KLHL12: variants seen among roughly 807,000 people sequenced by gnomAD.
KLHL12 encodes kelch-like protein 12.
In KLHL12, 17 loss-of-function variants were observed where a neutral mutation model predicts 60.8. The ratio of observed to expected loss-of-function variants is 0.28; its 90% CI spans 0.19 to 0.42. KLHL12 has a LOEUF of 0.42. Among genes scored for constraint, KLHL12 ranks in the 10% least tolerant of loss-of-function variants. The probability of loss-of-function intolerance (pLI) is 1.00; values close to 1 mark genes in which losing one functional copy is unlikely to be tolerated. For synonymous variants in KLHL12, 220 were observed against 250.9 expected (o/e 0.88, Z 1.16); for missense variants, 468 against 722.3 (o/e 0.65, Z 4.04).
chr1:202,927,204 G>A lies in KLHL12; in HGVS notation c.-161C>T, dbSNP rs1391501318. ...AGCCGAAGCGCCGCCCAGACCCGGAGGCTCTGGAGGCTCTGGAGCCGTCCG... is the reference window on the plus strand; with the variant it reads ...AGCCGAAGCGCCGCCCAGACCCGGAAGCTCTGGAGGCTCTGGAGCCGTCCG... On this transcript the variant is annotated 5_prime_UTR_variant, in exon 1 of 12. Coordinates refer to ENST00000367261, the MANE Select transcript of KLHL12 (RefSeq NM_021633.4). 16 of 985,224 alleles carry A rather than the reference G, an allele frequency of 1.6e-5. No individual in the cohort carries two copies. The Admixed American group carries it at 2.5e-4, about 15-fold the overall frequency. The allele number at this position is 985,224 out of a possible 1,614,324, so 61.0% of individuals were successfully genotyped here.
At chr1:202,901,930 C>T (rs1660019374) in intron 6 of KLHL12, among the ~76,000 whole-genome samples, 1 of 152,142 alleles carries the variant, frequency 6.6e-6, no homozygotes, top group African/African-American at 2.4e-5. Context: ...ATCACCATCC[C>T]CACTCACGTA....
intron 6 of KLHL12, among the ~76,000 whole-genome samples, chr1:202,907,277 T>C (rs1317610099): frequency 6.6e-6 from 1 of 152,200 alleles, no homozygotes; most frequent in Non-Finnish European, 1.5e-5. Flanking sequence ...AAGTTCTACA[T>C]TGAACATGCA....
intron 6 of KLHL12, among the ~76,000 whole-genome samples, chr1:202,905,968 C>CT (rs71142574): frequency 0.59 from 30,395 of 51,584 alleles, 9,766 homozygotes; most frequent in East Asian, 0.71. Context: ...CCACACCTGG[C>CT]TTTTTTTTTT....
intron 2 of KLHL12, among the ~76,000 whole-genome samples, chr1:202,920,869 TC>T (rs1660676048): frequency 6.6e-6 from 1 of 152,180 alleles, no homozygotes; most frequent in East Asian, 1.9e-4. Context: ...ATGCAAAAGT[TC>T]CATGAACATA....
rs1660375548 is a variant in KLHL12 at position 202,911,949 on chromosome 1, A to G, written c.568-746T>C. ...GGGGAATGCTCACGGACTGTGTGGT[A>G]ATGAGAGACCCAAACACCAAGTGCT... is the stretch of plus-strand genomic sequence containing the variant. On this transcript the variant is annotated intron_variant, in intron 4 of 11. Coordinates refer to ENST00000367261, the MANE Select transcript of KLHL12 (RefSeq NM_021633.4). The G allele has an allele frequency of 7.3e-6, 6 of 817,426 alleles. No individual in the cohort carries two copies. The Middle Eastern group carries it at 1.0e-3, about 140-fold the overall frequency. 50.6% of individuals were successfully genotyped at this position (817,426 alleles called of 1,614,324 possible). A position where few individuals can be genotyped will look rare whatever the true frequency, so the allele number is the denominator to read the frequency against.
intron 4 of KLHL12, chr1:202,912,249 AG>A: frequency 9.1e-7 from 1 of 1,104,500 alleles, no homozygotes; most frequent in Non-Finnish European, 1.4e-6. Context: ...TGGCAAGAAA[AG>A]GGGCTTTGCC....
chr1:202,894,151 G>T, intron 10 of KLHL12, 33 bp downstream of exon 10: 2 of 1,241,174 alleles, frequency 1.6e-6, no homozygotes, highest in Non-Finnish European at 2.3e-6. Flanking sequence ...TGACAGCATC[G>T]CCTATTGTCC....
At chr1:202,912,043 C>T in intron 4 of KLHL12, 2 of 787,268 alleles carry the variant, frequency 2.5e-6, no homozygotes, top group South Asian at 2.7e-5. Context: ...TGCAAGGCCA[C>T]ACAAGGTGGA....
chr1:202,899,453 A>T (rs1659938234), intron 6 of KLHL12, among the ~76,000 whole-genome samples: 1 of 152,198 alleles, frequency 6.6e-6, no homozygotes, highest in South Asian at 2.1e-4. Context: ...CTAAGAGGGC[A>T]CTTGTCTTAT....
At chr1:202,900,404 G>T (rs1393707579) in intron 6 of KLHL12, among the ~76,000 whole-genome samples, 1 of 151,968 alleles carries the variant, frequency 6.6e-6, no homozygotes, top group Non-Finnish European at 1.5e-5. Context: ...AAAAAAAATA[G>T]CCAGGTGTGA....
rs199701457 is a variant in KLHL12 at position 202,895,188 on chromosome 1, T to TA, written c.1135+333dup. 4.1e-3 allele frequency among the ~76,000 whole-genome samples: 617 copies of TA among 152,252 alleles called. 9 individuals carry two copies. Among genetic ancestry groups the TA allele is most frequent in the Admixed American group, 0.023 (346 of 15,294 alleles). ...GGGTCAATCACTTGAGCTCAGGAGT[T>TA]AGAGATCAGCCTGGGCAACATGGCG... On this transcript the variant is annotated intron_variant, in intron 8 of 11. Coordinates refer to ENST00000367261, the MANE Select transcript of KLHL12 (RefSeq NM_021633.4). This position sits in a 1 kb window ranked among gnomAD's most constrained non-coding sequence, Gnocchi z 4.2.
At chr1:202,915,497 T>C (rs952455242) in intron 4 of KLHL12, among the ~76,000 whole-genome samples, 11 of 152,186 alleles carry the variant, frequency 7.2e-5, no homozygotes, top group Non-Finnish European at 1.5e-4. Flanking sequence ...ACATAAGAGT[T>C]CTCAAGCTGT....
chr1:202,901,276 C>T (rs1189822532), intron 6 of KLHL12, among the ~76,000 whole-genome samples: 1 of 151,906 alleles, frequency 6.6e-6, no homozygotes, highest in Non-Finnish European at 1.5e-5. Flanking sequence ...TTGTTTTGTT[C>T]TGTTTAAAAG....
chr1:202,928,503 T>C, upstream of KLHL12: 1 of 1,304,396 alleles, frequency 7.7e-7, no homozygotes, highest in Non-Finnish European at 1.0e-6. Context: ...GAGGAACTTT[T>C]TGACATCGAG....
chr1:202,911,045 A>G lies in KLHL12; in HGVS notation c.717+9T>C, dbSNP rs1399174193. ...AGGTTTTGGATCCTGAGAGTGTTGC[A>G]CTACTTACCTCAGCATCTATTACAT... On this transcript the variant is annotated intron_variant, in intron 5 of 11. Transcript: ENST00000367261. 1.9e-6 allele frequency: 3 copies of G among 1,613,728 alleles called. No individual in the cohort carries two copies. Among genetic ancestry groups the G allele is most frequent in the African/African-American group, 1.3e-5 (1 of 75,020 alleles).
intron 3 of KLHL12, 40 bp from the exon 4 acceptor site, chr1:202,918,428 G>C (rs1477646183): frequency 4.8e-6 from 7 of 1,465,782 alleles, no homozygotes; most frequent in Middle Eastern, 1.7e-4. Context: ...AGAATAGTTG[G>C]ACAGGTGTGA....
Position 202,892,238 on chromosome 1 carries a change from G to C in KLHL12, c.*295C>G. The C allele has an allele frequency of 8.7e-6, 3 of 345,656 alleles. No individual in the cohort carries two copies. The South Asian group carries it at 1.2e-4, about 14-fold the overall frequency. 21.4% of individuals were successfully genotyped at this position (345,656 alleles called of 1,614,324 possible). ...CATACATATAGTACACCAAGCATGT[G>C]GTAAGTTAGAAATGACAGGAAAGTG... On this transcript the variant is annotated 3_prime_UTR_variant, in exon 12 of 12. Transcript: ENST00000367261.
In KLHL12 at chr1:202,926,448, CCAA is replaced by C. The variant is rs148387479; in HGVS notation, c.-46+638_-46+640del. Among the ~76,000 whole-genome samples, 901 of 152,284 alleles carry C rather than the reference CCAA, an allele frequency of 5.9e-3. 12 individuals carry two copies. Among genetic ancestry groups the C allele is most frequent in the African/African-American group, 0.021 (857 of 41,562 alleles). Reference sequence around the variant, plus strand: ...TCTATAAGCACTATAGATAATTCCTCCAACAACTCTGCAAGACCCATTTTACAG... The same window carrying C: ...TCTATAAGCACTATAGATAATTCCTCCAACTCTGCAAGACCCATTTTACAG... On this transcript the variant is annotated intron_variant, in intron 1 of 11. Transcript: ENST00000367261.
chr1:202,897,890 C>A (rs1344093536), intron 6 of KLHL12, among the ~76,000 whole-genome samples: 1 of 151,564 alleles, frequency 6.6e-6, no homozygotes, highest in Non-Finnish European at 1.5e-5. Context: ...TTTCCATGAA[C>A]ACTTCCTTCT....
Sources: allele counts gnomAD v4.1 joint callset (sites outside exome capture counted in the v4.1 genomes callset), GRCh38; gene constraint gnomAD v4.1.1; non-coding constraint Gnocchi (gnomAD v3.1); transcripts MANE v1.5; gene names NCBI Gene and HGNC (gene_info 2026-07-23, HGNC 2026-07-21).